The following TMEM131L variants were observed in gnomAD, a reference collection of about 807,000 sequenced individuals.
The protein encoded by TMEM131L is transmembrane 131 like.
A neutral mutation model predicts 192.2 loss-of-function variants in TMEM131L; 54 were observed. The ratio of observed to expected loss-of-function variants is 0.28; its 90% CI spans 0.23 to 0.35. TMEM131L has a LOEUF of 0.35. Among genes scored for constraint, TMEM131L ranks in the 10% least tolerant of loss-of-function variants. The probability of loss-of-function intolerance (pLI) is 1.00; values close to 1 mark genes in which losing one functional copy is unlikely to be tolerated. For synonymous variants in TMEM131L, 701 were observed against 704.9 expected (o/e 0.99, Z 0.09); for missense variants, 1,888 against 1,972.9 (o/e 0.96, Z 0.82).
rs1216579053 is a variant in TMEM131L at position 153,591,075 on chromosome 4, C to T, written c.1693C>T (p.Arg565Ter). Residue 565 changes from arginine (R) to a stop codon, truncating the protein, a stop_gained, in exon 17 of 35, where the codon CGA (arginine) becomes TGA (stop). Coordinates refer to ENST00000409959, the MANE Select transcript of TMEM131L (RefSeq NM_001131007.2). LOFTEE classifies it high-confidence loss of function. ...CAGGAGGAATGTTTTGGGAACAACT[C>T]GATTTGCTCACTTGAAGAAATCCAA... is the stretch of plus-strand genomic sequence containing the variant. The part of the protein sequence containing the change: ...VCKRNVLGTT[R>*]FAHLKKSKES... The T allele has an allele frequency of 6.3e-7, 1 of 1,593,370 alleles. No individual in the cohort carries two copies. Among genetic ancestry groups the T allele is most frequent in the Non-Finnish European group, 8.6e-7 (1 of 1,168,274 alleles).
intron 27 of TMEM131L, among the ~76,000 whole-genome samples, chr4:153,621,180 T>C (rs900350709): frequency 2.0e-5 from 3 of 152,354 alleles, no homozygotes; most frequent in Middle Eastern, 3.4e-3. Context: ...ACCTTCATTC[T>C]GCTTATGAGA....
intron 2 of TMEM131L, among the ~76,000 whole-genome samples, chr4:153,470,774 C>T (rs1350163977): frequency 1.3e-5 from 2 of 152,250 alleles, no homozygotes; most frequent in African/African-American, 4.8e-5. Context: ...CTGACCTGCT[C>T]TGTCCTGCAG....
At chr4:153,610,518 C>T (rs1422155178) in intron 25 of TMEM131L, among the ~76,000 whole-genome samples, 2 of 152,114 alleles carry the variant, frequency 1.3e-5, no homozygotes, top group East Asian at 1.9e-4. Flanking sequence ...CCTAATATGT[C>T]CTGGTTGTAC....
chr4:153,557,770 G>A (rs1171589694), intron 6 of TMEM131L, among the ~76,000 whole-genome samples: 41 of 152,256 alleles, frequency 2.7e-4, no homozygotes, highest in Non-Finnish European at 2.9e-5. Context: ...GGAACATTCA[G>A]CTTAAATACA....
intron 30 of TMEM131L, 57 bp from the exon 31 acceptor site, chr4:153,627,548 C>A: frequency 7.7e-7 from 1 of 1,299,610 alleles, no homozygotes; most frequent in Non-Finnish European, 1.1e-6. Context: ...TATACAATAT[C>A]AGTATTTCCT....
chr4:153,564,072 T>C (rs1263285091), intron 7 of TMEM131L, among the ~76,000 whole-genome samples: 1 of 151,780 alleles, frequency 6.6e-6, no homozygotes, highest in African/African-American at 2.4e-5. Context: ...GCAGATTACC[T>C]GAGGTCAGGA....
intron 27 of TMEM131L, among the ~76,000 whole-genome samples, chr4:153,621,361 T>TA (rs1156972595): frequency 6.6e-6 from 1 of 152,176 alleles, no homozygotes; most frequent in Non-Finnish European, 1.5e-5. Context: ...GGTAGGTTCT[T>TA]ACAGCTGCAG....
chr4:153,586,549 A>T (rs1730711117), intron 14 of TMEM131L, among the ~76,000 whole-genome samples, 170 bp downstream of exon 14: 1 of 152,234 alleles, frequency 6.6e-6, no homozygotes, highest in Admixed American at 6.5e-5. Context: ...TCAGACATAA[A>T]AATCTTTATT....
intron 3 of TMEM131L, among the ~76,000 whole-genome samples, chr4:153,546,192 A>C (rs1343079870): frequency 6.8e-6 from 1 of 147,134 alleles, no homozygotes; most frequent in Non-Finnish European, 1.5e-5. Flanking sequence ...CACCCGGTCC[A>C]TTTTTCTCTT....
chr4:153,571,426 C>T (rs1729583081), intron 7 of TMEM131L, among the ~76,000 whole-genome samples: 1 of 152,200 alleles, frequency 6.6e-6, no homozygotes, highest in African/African-American at 2.4e-5. Context: ...TTCCTTTCAC[C>T]TGTCCAGGTT....
intron 2 of TMEM131L, among the ~76,000 whole-genome samples, chr4:153,470,294 G>C (rs915309670): frequency 1.3e-5 from 2 of 152,164 alleles, no homozygotes; most frequent in Non-Finnish European, 2.9e-5. Context: ...ACCTACTGTA[G>C]CTTACCTAAT....
At chr4:153,562,994 C>T (rs765681237) in intron 7 of TMEM131L, among the ~76,000 whole-genome samples, 8 of 152,236 alleles carry the variant, frequency 5.3e-5, no homozygotes, top group Middle Eastern at 3.4e-3. Flanking sequence ...AAAGTACAGG[C>T]TGATTATATG....
chr4:153,602,191 A>T lies in TMEM131L; in HGVS notation c.2306A>T (p.Asn769Ile), dbSNP rs146948220. The T allele has an allele frequency of 1.4e-4, 225 of 1,608,376 alleles. 1 individual carries two copies. In the Middle Eastern group the frequency reaches 3.6e-3, roughly 26 times the overall value. Residue 769 changes from asparagine to isoleucine, a missense_variant, in exon 22 of 35, where the codon AAC (asparagine) becomes ATC (isoleucine). Transcript: ENST00000409959. ...DSKQILSITK[N>I]FKVENIGPLP... is the part of the protein sequence containing the mutation. ...AAGCAAATTTTATCTATTACAAAGA[A>T]CTTTAAAGTTGAGAATATTGGACCT...
chr4:153,595,350 AGTTT>A (rs1342085358), intron 19 of TMEM131L, among the ~76,000 whole-genome samples: 1 of 152,204 alleles, frequency 6.6e-6, no homozygotes, highest in Non-Finnish European at 1.5e-5. Flanking sequence ...TTTTACTATA[AGTTT>A]AACACCAAAA....
At position 153,558,246 on chromosome 4, in the gene TMEM131L, CT is replaced by C. The variant is rs770349403; in HGVS notation, c.550-7del. On this transcript the variant is annotated splice_polypyrimidine_tract_variant and intron_variant, in intron 6 of 34. Transcript: ENST00000409959. Reference sequence around the variant, plus strand: ...TCTTAACAGAGGAGCAATTCTCTCTCTTTTTCCGCAGGTATCTGGAATTGGC... The same window carrying C: ...TCTTAACAGAGGAGCAATTCTCTCTCTTTTCCGCAGGTATCTGGAATTGGC... 4.2e-6 allele frequency: 6 copies of C among 1,438,992 alleles called. No individual in the cohort carries two copies. The highest frequency in any genetic ancestry group is 5.8e-6 in the Non-Finnish European group (6 of 1,027,596). 89.1% of individuals were successfully genotyped at this position (1,438,992 alleles called of 1,614,324 possible).
chr4:153,472,048 T>C (rs1731196093), intron 2 of TMEM131L, among the ~76,000 whole-genome samples: 1 of 152,100 alleles, frequency 6.6e-6, no homozygotes. Context: ...TAGAGATTTA[T>C]TTTTGGTTTA....
chr4:153,573,317 C>T (rs375201841), intron 7 of TMEM131L, among the ~76,000 whole-genome samples: 1 of 152,238 alleles, frequency 6.6e-6, no homozygotes, highest in African/African-American at 2.4e-5. Context: ...CAAGGTCAAG[C>T]GACGGCAGCC....
At chr4:153,477,520 T>TTG (rs1282779752) in intron 3 of TMEM131L, among the ~76,000 whole-genome samples, 4 of 152,226 alleles carry the variant, frequency 2.6e-5, no homozygotes, top group Admixed American at 2.0e-4. Flanking sequence ...CTTATTGGTC[T>TTG]TTTCACATAG....
rs1270560041 is a variant in TMEM131L, at chr4:153,585,571, A to G, written c.1271A>G (p.Asn424Ser). ...RNHFDRSVVLNDVFLSKETKH... is the reference protein window; with the variant it reads ...RNHFDRSVVLSDVFLSKETKH... The stretch of plus-strand genomic sequence containing the variant: ...CATTTTGACCGTAGTGTTGTATTAA[A>G]TGATGTGTTTCTTTCCAAGGAGACC... The change falls in exon 13 of 35, where the codon AAT becomes AGT. Residue 424 changes from asparagine to serine, a missense_variant. Coordinates refer to ENST00000409959, the MANE Select transcript of TMEM131L (RefSeq NM_001131007.2). 6.2e-7 allele frequency: 1 copy of G among 1,613,986 alleles called. No individual in the cohort carries two copies. The highest frequency in any genetic ancestry group is 1.7e-5 in the Admixed American group (1 of 60,014).
Sources: gnomAD v4.1 joint callset for allele counts (sites outside exome capture counted in the v4.1 genomes callset) on GRCh38, gnomAD v4.1.1 for gene constraint, MANE v1.5 for transcripts, NCBI Gene and HGNC (gene_info 2026-07-23, HGNC 2026-07-21) for gene names.